The following EIF2AK4 variants were observed in gnomAD, a reference collection of about 807,000 sequenced individuals.
EIF2AK4 encodes eIF-2-alpha kinase GCN2.
EIF2AK4 carries 139 observed loss-of-function variants against 211.1 expected under a neutral mutation model. The observed-to-expected ratio is 0.66, with a 90% CI of 0.57 to 0.76. The LOEUF (loss-of-function observed/expected upper bound fraction) is 0.76, where lower values mean the gene tolerates loss of function less well. EIF2AK4 is among the 30% of genes least tolerant of loss of function. EIF2AK4 has a pLI of 0.00. For synonymous variants in EIF2AK4, 710 were observed against 751.3 expected (o/e 0.94, Z 0.90); for missense variants, 1,664 against 2,043.8 (o/e 0.81, Z 3.58).
Position 39,985,790 on chromosome 15 carries a change from T to G in EIF2AK4, c.2320-15T>G, listed in dbSNP as rs527592661. ...GGCCTCCATTTTGAGTTATTGTGTGTTCGTCTTGGGTTAGGATGAAGATTG... is the reference window on the plus strand; with the variant it reads ...GGCCTCCATTTTGAGTTATTGTGTGGTCGTCTTGGGTTAGGATGAAGATTG... On this transcript the variant is annotated splice_polypyrimidine_tract_variant and intron_variant, in intron 13 of 38. Transcript: ENST00000263791. The G allele has an allele frequency of 6.2e-7, 1 of 1,613,836 alleles. No homozygotes were observed. Among genetic ancestry groups the G allele is most frequent in the South Asian group, 1.1e-5 (1 of 91,016 alleles).
At chr15:40,016,384 C>A (rs530702795) in intron 27 of EIF2AK4, 118 bp from the exon 28 acceptor site, 2 of 1,247,600 alleles carry the variant, frequency 1.6e-6, no homozygotes, top group East Asian at 4.7e-5. Flanking sequence ...TAATCTTTGA[C>A]CACAAAGATA....
At chr15:39,955,858 C>G in intron 6 of EIF2AK4, 90 bp downstream of exon 6, 4 of 1,403,352 alleles carry the variant, frequency 2.9e-6, no homozygotes, top group Non-Finnish European at 3.8e-6. Flanking sequence ...ATGGAAATTT[C>G]AGGCGATAGT....
intron 16 of EIF2AK4, chr15:39,991,440 C>T (rs1046033527): frequency 6.6e-6 from 1 of 152,270 alleles, no homozygotes; most frequent in Non-Finnish European, 1.5e-5. Flanking sequence ...CCTATCTCTG[C>T]CACTGCTTTG....
At position 39,967,919 on chromosome 15, in the gene EIF2AK4, C is replaced by T. The variant is rs1389282366; in HGVS notation, c.1553+40C>T. On this transcript the variant is annotated intron_variant, in intron 9 of 38. Coordinates refer to ENST00000263791, the MANE Select transcript of EIF2AK4 (RefSeq NM_001013703.4). ...GATTCTCTCTAATAGCACTTTACTC[C>T]TGTACTTTTGATTGTGCTGGAGTGT... 2.5e-6 allele frequency: 4 copies of T among 1,591,876 alleles called. 1 individual carries two copies. Among genetic ancestry groups the T allele is most frequent in the East Asian group, 4.5e-5 (2 of 44,520 alleles).
chr15:39,952,865 T>C (rs1387861474), intron 4 of EIF2AK4, among the ~76,000 whole-genome samples: 1 of 152,200 alleles, frequency 6.6e-6, no homozygotes, highest in Non-Finnish European at 1.5e-5. Context: ...TTTAATTTCT[T>C]GAGACAGAGT....
chr15:39,992,856 GT>G lies in EIF2AK4; in HGVS notation c.2766+12del. The G allele has an allele frequency of 6.2e-7, 1 of 1,613,748 alleles. No homozygotes were observed. Among genetic ancestry groups the G allele is most frequent in the Non-Finnish European group, 8.5e-7 (1 of 1,179,678 alleles). ...AAATCTGCATACAACCAGGTAAGAGGTTTTGTGGGGAAAAGGAATCTCAAAA... is the reference window on the plus strand; with the variant it reads ...AAATCTGCATACAACCAGGTAAGAGGTTTGTGGGGAAAAGGAATCTCAAAA... On this transcript the variant is annotated intron_variant, in intron 18 of 38. Transcript: ENST00000263791.
Position 40,001,142 on chromosome 15 carries a change from C to T in EIF2AK4, c.3077C>T (p.Ala1026Val), listed in dbSNP as rs1048926925. The change falls in exon 21 of 39, where the codon GCC (alanine) becomes GTC (valine). Residue 1026 changes from alanine (A) to valine (V), a missense_variant. By Grantham distance (64) the Ala-to-Val change is moderately conservative (BLOSUM62 0). Transcript: ENST00000263791. ...ACGCTGACCAACGTGGATGGGAAGG[C>T]CTACCGCACCATGATGGCCCAGATC... ...HHTLTNVDGK[A>V]YRTMMAQIFS... 6.2e-7 allele frequency: 1 copy of T among 1,614,136 alleles called. No individual in the cohort carries two copies. Among genetic ancestry groups the T allele is most frequent in the Non-Finnish European group, 8.5e-7 (1 of 1,180,014 alleles).
At chr15:40,023,638 T>G (rs1329950762) in intron 32 of EIF2AK4, among the ~76,000 whole-genome samples, 3 of 152,204 alleles carry the variant, frequency 2.0e-5, no homozygotes, top group Non-Finnish European at 4.4e-5. Flanking sequence ...TCAGACCTGA[T>G]ATGGGTAATT....
chr15:40,033,461 T>G (rs1390914342), intron 37 of EIF2AK4, among the ~76,000 whole-genome samples: 1 of 152,240 alleles, frequency 6.6e-6, no homozygotes, highest in Non-Finnish European at 1.5e-5. Flanking sequence ...AAAATTTGAA[T>G]AGTTATCTTT....
intron 23 of EIF2AK4, among the ~76,000 whole-genome samples, chr15:40,006,668 T>A (rs555341481): frequency 5.1e-4 from 78 of 152,338 alleles, no homozygotes; most frequent in Admixed American, 1.0e-3. Flanking sequence ...TGACATTTTT[T>A]TTAAATTCAT....
At chr15:39,987,776 T>C (rs1486208602) in intron 14 of EIF2AK4, among the ~76,000 whole-genome samples, 1 of 152,258 alleles carries the variant, frequency 6.6e-6, no homozygotes, top group Non-Finnish European at 1.5e-5. Context: ...AAAATGGTTA[T>C]GTTGGAGTGC....
At chr15:40,011,169 G>A in intron 26 of EIF2AK4, 112 bp from the exon 27 acceptor site, 1 of 784,982 alleles carries the variant, frequency 1.3e-6, no homozygotes. Flanking sequence ...TGTACCATTA[G>A]GAGCAGTTTG....
chr15:40,022,000 T>A (rs2035394326), intron 31 of EIF2AK4: 1 of 152,464 alleles, frequency 6.6e-6, no homozygotes, highest in South Asian at 2.1e-4. Context: ...ACATGTTTCA[T>A]AAATCATTAG....
chr15:40,009,893 A>G (rs558387670), intron 26 of EIF2AK4, among the ~76,000 whole-genome samples, 163 bp downstream of exon 26: 5 of 152,328 alleles, frequency 3.3e-5, no homozygotes, highest in Admixed American at 3.3e-4. Context: ...ATTGATTTTA[A>G]TTATATCAAC....
At chr15:39,984,752 C>A (rs146255169) in intron 13 of EIF2AK4, among the ~76,000 whole-genome samples, 50 of 152,298 alleles carry the variant, frequency 3.3e-4, no homozygotes, top group African/African-American at 1.2e-3. Context: ...GAGTTTGGGG[C>A]TGAGACAATG....
chr15:39,959,367 T>C (rs1227506332), intron 6 of EIF2AK4, among the ~76,000 whole-genome samples: 1 of 152,250 alleles, frequency 6.6e-6, no homozygotes, highest in Non-Finnish European at 1.5e-5. Context: ...ATGGATGACA[T>C]TGCATTTGTC....
chr15:39,935,132 C>T (rs564858035), intron 1 of EIF2AK4, among the ~76,000 whole-genome samples: 2 of 152,246 alleles, frequency 1.3e-5, no homozygotes, highest in South Asian at 2.1e-4. Context: ...CCATGGGCCT[C>T]GGGTTAGACC....
In EIF2AK4 at chr15:39,972,910, G is replaced by A. The variant is rs774898415; in HGVS notation, c.1556G>A (p.Cys519Tyr). Residue 519 changes from cysteine (C) to tyrosine (Y), a missense_variant and splice_region_variant, in exon 10 of 39, where the codon TGT becomes TAT. Physicochemically the swap from Cys to Tyr is radical, Grantham distance 194. Around this residue, in one of 7 missense-constraint regions of EIF2AK4, gnomAD observed 641 missense variants for 729.6 expected, o/e 0.88. Coordinates refer to ENST00000263791, the MANE Select transcript of EIF2AK4 (RefSeq NM_001013703.4). Reference sequence around the variant, plus strand: ...ATTCTTCCTTCCCTCTCACCGAGATGTGTGTGCTTGGATGACAAGGAAAGA... The same window carrying A: ...ATTCTTCCTTCCCTCTCACCGAGATATGTGTGCTTGGATGACAAGGAAAGA... ...PADFQDFLKK[C>Y]VCLDDKERWS... 2 of 1,613,628 alleles carry A rather than the reference G, an allele frequency of 1.2e-6. No individual in the cohort carries two copies.
intron 11 of EIF2AK4, chr15:39,975,090 A>C (rs990185807): frequency 6.6e-6 from 1 of 152,232 alleles, no homozygotes; most frequent in Non-Finnish European, 1.5e-5. Flanking sequence ...ACACAGGGCT[A>C]TCATTTTTTG....
Sources: allele counts gnomAD v4.1 joint callset (sites outside exome capture counted in the v4.1 genomes callset), GRCh38; gene constraint gnomAD v4.1.1; regional missense constraint gnomAD v4.1.1; transcripts MANE v1.5; gene names NCBI Gene and HGNC (gene_info 2026-07-23, HGNC 2026-07-21).